The following ENO4 variants were observed in gnomAD, a reference collection of about 807,000 sequenced individuals.
The protein encoded by ENO4 is 2-phospho-D-glycerate hydro-lyase.
ENO4 carries 53 observed loss-of-function variants against 63.2 expected under a neutral mutation model. The ratio of observed to expected loss-of-function variants is 0.84; its 90% confidence interval spans 0.67 to 1.05. The LOEUF is 1.05. ENO4 is among the 50% of genes least tolerant of loss of function. The pLI is 0.00. For missense variants in ENO4, 719 were observed against 772.0 expected (o/e 0.93, Z 0.81); for synonymous variants, 266 against 283.8 (o/e 0.94, Z 0.63).
chr10:116,905,151 G>A (rs1382947366), intron 10 of ENO4, among the ~76,000 whole-genome samples: 10 of 149,390 alleles, frequency 6.7e-5, no homozygotes, highest in Admixed American at 1.3e-4. Flanking sequence ...GCAGTGAGCC[G>A]AGATTGCGCC....
chr10:116,886,370 TCA>T (rs1370142076), downstream of ENO4: 4 of 1,556,256 alleles, frequency 2.6e-6, no homozygotes, highest in South Asian at 1.2e-5. Flanking sequence ...TCTGTCTCTC[TCA>T]CGTTTTCAAT....
Position 116,860,895 on chromosome 10 carries a change from G to A in ENO4, c.736G>A (p.Ala246Thr). Residue 246 changes from alanine to threonine, a missense_variant, in exon 5 of 14, where the codon GCC becomes ACC. This residue lies in a region of ENO4 where 544 missense variants were observed against 583.6 expected (regional missense o/e 0.93). Transcript: ENST00000341276. ...CATAGGGGCCGTGTCACTAGCTGTT[G>A]CCAAAGCCTGTGCCATGCTGCTTAA... The part of the protein sequence containing the change: ...MAIGAVSLAV[A>T]KACAMLLNKP... The A allele has an allele frequency of 6.5e-7, 1 of 1,549,826 alleles. No homozygotes were observed. The highest frequency in any genetic ancestry group is 8.7e-7 in the Non-Finnish European group (1 of 1,146,406).
chr10:116,878,795 G>C (rs189272743), intron 11 of ENO4, among the ~76,000 whole-genome samples: 27 of 141,978 alleles, frequency 1.9e-4, no homozygotes, highest in Middle Eastern at 4.3e-3. Context: ...CAGAGCTGGA[G>C]TGCAGTGGCG....
At chr10:116,881,426 G>A (rs1847005575) in intron 13 of ENO4, 89 bp from the exon 14 acceptor site, 14 of 1,010,936 alleles carry the variant, frequency 1.4e-5, no homozygotes, top group Non-Finnish European at 1.4e-5. Context: ...CTTTGGACTA[G>A]TACTGAAGAT....
At chr10:116,865,460 C>CA (rs1484162344) in intron 7 of ENO4, among the ~76,000 whole-genome samples, 2 of 152,190 alleles carry the variant, frequency 1.3e-5, no homozygotes, top group African/African-American at 4.8e-5. Context: ...GCTGGGATTA[C>CA]AAGTGTGAGC....
chr10:116,856,404 T>C, intron 2 of ENO4, 88 bp from the exon 3 acceptor site: 1 of 1,082,550 alleles, frequency 9.2e-7, no homozygotes, highest in Non-Finnish European at 1.3e-6. Flanking sequence ...GGTGGTAAAA[T>C]TTCATGCATG....
At chr10:116,887,420 T>C (rs1428637619), downstream of ENO4, among the ~76,000 whole-genome samples, 1 of 152,074 alleles carries the variant, frequency 6.6e-6, no homozygotes, top group Non-Finnish European at 1.5e-5. Context: ...TTTCGGACTT[T>C]TCTGGTCTTT....
At chr10:116,866,700 G>A (rs1846556953) in intron 7 of ENO4, among the ~76,000 whole-genome samples, 1 of 152,028 alleles carries the variant, frequency 6.6e-6, no homozygotes, top group Admixed American at 6.5e-5. Context: ...AGCCACTTGG[G>A]AGGCTGAGGT....
At chr10:116,890,144 A>G (rs1847291562) in intron 10 of ENO4, among the ~76,000 whole-genome samples, 1 of 127,238 alleles carries the variant, frequency 7.9e-6, no homozygotes, top group Non-Finnish European at 1.6e-5. Flanking sequence ...TGGGAATTGT[A>G]ATATACTGTC....
chr10:116,900,403 A>G (rs1447442367), intron 10 of ENO4: 3 of 765,624 alleles, frequency 3.9e-6, no homozygotes, highest in East Asian at 2.7e-5. Flanking sequence ...TTCACTGTCA[A>G]TTCAACACAT....
At chr10:116,887,676 C>T (rs1847209733) in intron 10 of ENO4, among the ~76,000 whole-genome samples, 1 of 152,144 alleles carries the variant, frequency 6.6e-6, no homozygotes, top group Non-Finnish European at 1.5e-5. Flanking sequence ...TTGGACTTAC[C>T]ACAATTGTTT....
chr10:116,879,080 T>G (rs1192300116), intron 11 of ENO4, among the ~76,000 whole-genome samples: 1 of 152,106 alleles, frequency 6.6e-6, no homozygotes, highest in East Asian at 1.9e-4. Context: ...CAGTATTCAT[T>G]TAGTATTTAC....
downstream of ENO4, chr10:116,884,568 A>G (rs1456732486): frequency 3.5e-5 from 9 of 257,528 alleles, no homozygotes; most frequent in Middle Eastern, 1.5e-3. Context: ...ATGGAAAGAC[A>G]GTGTACATAT....
downstream of ENO4, chr10:116,886,675 A>T (rs1847175097): frequency 7.0e-7 from 1 of 1,426,544 alleles, no homozygotes; most frequent in East Asian, 2.3e-5. Flanking sequence ...TCTAAGTCTA[A>T]TCAACATGCA....
intron 3 of ENO4, among the ~76,000 whole-genome samples, 157 bp from the exon 4 acceptor site, chr10:116,858,830 CATT>C (rs1312388625): frequency 6.6e-6 from 1 of 152,174 alleles, no homozygotes; most frequent in African/African-American, 2.4e-5. Context: ...ATAACAGCAT[CATT>C]GTTTACTGGC....
At chr10:116,890,398 G>A (rs1482190718) in intron 10 of ENO4, among the ~76,000 whole-genome samples, 2 of 152,174 alleles carry the variant, frequency 1.3e-5, no homozygotes, top group Admixed American at 6.5e-5. Flanking sequence ...CAGATGAAGT[G>A]TCCAAGGAAC....
chr10:116,906,201 TCTC>T (rs1404110870), intron 10 of ENO4, among the ~76,000 whole-genome samples: 1 of 152,268 alleles, frequency 6.6e-6, no homozygotes, highest in African/African-American at 2.4e-5. Flanking sequence ...CTTTTATTAT[TCTC>T]ATTATATAGA....
chr10:116,885,888 G>A (rs74161331), downstream of ENO4: 1,482 of 162,680 alleles, frequency 9.1e-3, 17 homozygotes, highest in African/African-American at 0.033. Context: ...CCATGCTGCT[G>A]CAGTTTCTCC....
At chr10:116,892,201 T>C (rs1337505191) in intron 10 of ENO4, among the ~76,000 whole-genome samples, 2 of 152,174 alleles carry the variant, frequency 1.3e-5, no homozygotes, top group Non-Finnish European at 1.5e-5. Flanking sequence ...TAGGGAGCCT[T>C]GTAGCTTGTA....
Sources: gnomAD v4.1 joint callset for allele counts (sites outside exome capture counted in the v4.1 genomes callset) on GRCh38, gnomAD v4.1.1 for gene constraint, gnomAD v4.1.1 regional missense constraint, MANE v1.5 for transcripts, NCBI Gene and HGNC (gene_info 2026-07-23, HGNC 2026-07-21) for gene names.